Variants in PDSS2 observed in about 807,000 individuals in gnomAD.
PDSS2 encodes decaprenyl diphosphate synthase subunit 2.
In PDSS2, 31 loss-of-function variants were observed where a neutral mutation model predicts 44.5. That is an observed-to-expected ratio of 0.70 (90% CI 0.52 to 0.94). The LOEUF is 0.94. Among genes scored for constraint, PDSS2 ranks in the 40% least tolerant of loss-of-function variants. The pLI is 0.00. For synonymous variants in PDSS2, 157 were observed against 180.3 expected (o/e 0.87, Z 1.03); for missense variants, 452 against 482.2 (o/e 0.94, Z 0.59).
At chr6:107,348,571 G>A (rs1778325798) in intron 1 of PDSS2, among the ~76,000 whole-genome samples, 1 of 152,050 alleles carries the variant, frequency 6.6e-6, no homozygotes. Context: ...AAACAGCTAT[G>A]GTTAATAGTT....
intron 1 of PDSS2, among the ~76,000 whole-genome samples, chr6:107,356,245 C>A (rs941180424): frequency 2.0e-5 from 3 of 152,204 alleles, no homozygotes; most frequent in Admixed American, 6.5e-5. Context: ...AGTGTTTGAG[C>A]TGGTTATGAT....
intron 6 of PDSS2, among the ~76,000 whole-genome samples, chr6:107,196,725 A>G (rs1040328420): frequency 2.6e-5 from 4 of 152,040 alleles, no homozygotes; most frequent in Admixed American, 6.6e-5. Context: ...TGACTTCAGG[A>G]TGGGGACTGG....
intron 1 of PDSS2, among the ~76,000 whole-genome samples, chr6:107,372,298 CAAT>C (rs914408197): frequency 1.3e-5 from 2 of 151,796 alleles, no homozygotes; most frequent in African/African-American, 2.4e-5. Context: ...AAATCATGCT[CAAT>C]AAAAATAAGT....
intron 7 of PDSS2, among the ~76,000 whole-genome samples, chr6:107,156,571 G>T (rs1412891371): frequency 6.6e-6 from 1 of 152,158 alleles, no homozygotes; most frequent in African/African-American, 2.4e-5. Flanking sequence ...GCAGTCTCAG[G>T]GTTGCTCATT....
intron 2 of PDSS2, among the ~76,000 whole-genome samples, chr6:107,289,344 G>A (rs1421129646): frequency 6.7e-6 from 1 of 148,854 alleles, no homozygotes; most frequent in African/African-American, 2.5e-5. Flanking sequence ...CTGCACTCCA[G>A]CCTGGGTAAC....
At chr6:107,250,543 T>C (rs1387780736) in intron 3 of PDSS2, among the ~76,000 whole-genome samples, 1 of 152,176 alleles carries the variant, frequency 6.6e-6, no homozygotes, top group Non-Finnish European at 1.5e-5. Flanking sequence ...ACCTATTTCC[T>C]TGGGGAGGGT....
chr6:107,359,028 T>TTTTTTA (rs1778678210), intron 1 of PDSS2, among the ~76,000 whole-genome samples: 3 of 148,590 alleles, frequency 2.0e-5, no homozygotes, highest in Non-Finnish European at 3.0e-5. Context: ...TTTTTTTTTT[T>TTTTTTA]GAGATGAGTT....
chr6:107,450,894 G>A (rs141791223), intron 1 of PDSS2, among the ~76,000 whole-genome samples: 20 of 152,318 alleles, frequency 1.3e-4, no homozygotes, highest in African/African-American at 3.6e-4. Context: ...GCAATGGCAC[G>A]ATCATGGCTC....
chr6:107,163,683 G>A (rs1240733839), intron 7 of PDSS2, among the ~76,000 whole-genome samples: 3 of 151,546 alleles, frequency 2.0e-5, no homozygotes, highest in Non-Finnish European at 4.4e-5. Flanking sequence ...GCTCACTGAA[G>A]CCTCTGTCTC....
chr6:107,358,099 C>T (rs1176467521), intron 1 of PDSS2, among the ~76,000 whole-genome samples: 2 of 152,084 alleles, frequency 1.3e-5, no homozygotes, highest in Non-Finnish European at 2.9e-5. Flanking sequence ...CTATACCTGA[C>T]CTCATGTGAC....
At chr6:107,281,477 G>A (rs1339156167) in intron 2 of PDSS2, among the ~76,000 whole-genome samples, 1 of 152,172 alleles carries the variant, frequency 6.6e-6, no homozygotes, top group Non-Finnish European at 1.5e-5. Flanking sequence ...GACATCTCAT[G>A]TTCATAATTC....
chr6:107,458,166 G>A lies in PDSS2; in HGVS notation c.296+824C>T, dbSNP rs114648023. ...GTATGTTTAAACTAATTACAATTCA[G>A]GTGTGGGGTTTAAGTGGAAGAAAAA... On this transcript the variant is annotated intron_variant, in intron 1 of 7. Transcript: ENST00000369037. Among the ~76,000 whole-genome samples, 1,069 of 151,548 alleles carry A rather than the reference G, an allele frequency of 7.1e-3. 8 individuals carry two copies. Among genetic ancestry groups the A allele is most frequent in the African/African-American group, 0.024 (1,005 of 41,238 alleles).
At chr6:107,352,965 T>C (rs1778477678) in intron 1 of PDSS2, among the ~76,000 whole-genome samples, 1 of 152,188 alleles carries the variant, frequency 6.6e-6, no homozygotes, top group African/African-American at 2.4e-5. Context: ...AGCCTAAATA[T>C]AAACATTTAG....
intron 1 of PDSS2, among the ~76,000 whole-genome samples, chr6:107,420,730 T>C (rs1014006942): frequency 1.3e-5 from 2 of 151,422 alleles, no homozygotes; most frequent in African/African-American, 2.4e-5. Flanking sequence ...CACAGAACTA[T>C]AAAACTTTTA....
chr6:107,211,077 T>C (rs1385568367), intron 5 of PDSS2, among the ~76,000 whole-genome samples: 2 of 151,994 alleles, frequency 1.3e-5, no homozygotes, highest in African/African-American at 4.8e-5. Context: ...CCTTTTCTAG[T>C]GGGTGGTGGT....
chr6:107,214,576 T>C (rs1239371106), intron 4 of PDSS2, among the ~76,000 whole-genome samples: 4 of 152,198 alleles, frequency 2.6e-5, no homozygotes, highest in Non-Finnish European at 4.4e-5. Flanking sequence ...AACTGGAACC[T>C]ACCCAGAAGG....
chr6:107,367,665 A>G (rs1321901952), intron 1 of PDSS2, among the ~76,000 whole-genome samples: 1 of 152,114 alleles, frequency 6.6e-6, no homozygotes, highest in African/African-American at 2.4e-5. Context: ...GGGCAAGTGT[A>G]ATCCCAGCTA....
At chr6:107,384,403 G>C (rs931886960) in intron 1 of PDSS2, among the ~76,000 whole-genome samples, 11 of 152,278 alleles carry the variant, frequency 7.2e-5, no homozygotes, top group African/African-American at 2.6e-4. Context: ...CACTTTGGGA[G>C]GCCAAGGTGG....
At chr6:107,395,085 G>T (rs319116) in intron 1 of PDSS2, among the ~76,000 whole-genome samples, 110,678 of 151,852 alleles carry the variant, frequency 0.73, 40,731 homozygotes, top group Middle Eastern at 0.8. Context: ...TGACAGCTTT[G>T]TTTTTCCTCT....
Sources: gnomAD v4.1 joint callset for allele counts (sites outside exome capture counted in the v4.1 genomes callset) on GRCh38, gnomAD v4.1.1 for gene constraint, MANE v1.5 for transcripts, NCBI Gene and HGNC (gene_info 2026-07-23, HGNC 2026-07-21) for gene names.